The following USP37 variants were observed in gnomAD, a reference collection of about 807,000 sequenced individuals.
The protein encoded by USP37 is ubiquitin specific peptidase 37, also known as ubiquitin carboxyl-terminal hydrolase 37.
In USP37, 27 loss-of-function variants were observed where a neutral mutation model predicts 124.0. The observed-to-expected ratio is 0.22, with a 90% CI of 0.16 to 0.30. The LOEUF is 0.30. USP37 is among the 10% of genes least tolerant of loss of function. USP37 has a pLI of 1.00. For missense variants in USP37, 889 were observed against 1,140.4 expected (o/e 0.78, Z 3.17); for synonymous variants, 365 against 388.0 (o/e 0.94, Z 0.70).
chr2:218,499,010 C>T (rs1030655120), intron 11 of USP37, among the ~76,000 whole-genome samples: 26 of 152,216 alleles, frequency 1.7e-4, no homozygotes, highest in African/African-American at 5.8e-4. Flanking sequence ...TGCAGTGGCT[C>T]ATGCCTATAA....
At chr2:218,487,627 G>A (rs962574519) in intron 15 of USP37, among the ~76,000 whole-genome samples, 1 of 151,930 alleles carries the variant, frequency 6.6e-6, no homozygotes, top group Non-Finnish European at 1.5e-5. Context: ...CACCATGTTG[G>A]CCAGGATGAT....
intron 17 of USP37, among the ~76,000 whole-genome samples, chr2:218,481,328 A>C (rs1691261076): frequency 6.6e-6 from 1 of 152,188 alleles, no homozygotes; most frequent in African/African-American, 2.4e-5. Context: ...TCACATCTGC[A>C]TGTCCTGAAG....
rs961335273 is a variant in USP37 at position 218,517,434 on chromosome 2, GTTA to G, written c.864-7297_864-7295del. On this transcript the variant is annotated intron_variant, in intron 10 of 25. Coordinates refer to ENST00000258399, the MANE Select transcript of USP37 (RefSeq NM_020935.3). ...TAGTACATATTTGTGGGTAAACTCTGTTATTATTTTGTTTTGTATGATAGTGTC... is the reference window on the plus strand; with the variant it reads ...TAGTACATATTTGTGGGTAAACTCTGTTATTTTGTTTTGTATGATAGTGTC... Among the ~76,000 whole-genome samples the G allele has an allele frequency of 6.6e-5, 10 of 150,546 alleles. No individual in the cohort carries two copies. In the South Asian group the frequency reaches 1.5e-3, roughly 22 times the overall value.
chr2:218,567,750 C>T (rs1206380988), intron 1 of USP37, among the ~76,000 whole-genome samples: 7 of 152,166 alleles, frequency 4.6e-5, no homozygotes, highest in Non-Finnish European at 8.8e-5. Flanking sequence ...CAAGGAAATG[C>T]ACAACAAAAA....
At chr2:218,507,208 G>A (rs371080272) in intron 11 of USP37, among the ~76,000 whole-genome samples, 39 of 151,982 alleles carry the variant, frequency 2.6e-4, no homozygotes, top group African/African-American at 7.7e-4. Context: ...TGTCCAGGCT[G>A]GAGTAGAGTG....
At chr2:218,499,453 C>T (rs191951493) in intron 11 of USP37, among the ~76,000 whole-genome samples, 1 of 152,218 alleles carries the variant, frequency 6.6e-6, no homozygotes, top group East Asian at 1.9e-4. Flanking sequence ...GAGTAAGTTG[C>T]ATTTATTAAA....
intron 10 of USP37, among the ~76,000 whole-genome samples, chr2:218,516,301 T>C (rs367590381): frequency 3.3e-5 from 5 of 152,288 alleles, no homozygotes; most frequent in African/African-American, 1.2e-4. Context: ...TGCCCATCAA[T>C]GATAGACGGG....
At chr2:218,488,067 T>C (rs1052686932) in intron 15 of USP37, among the ~76,000 whole-genome samples, 1 of 149,916 alleles carries the variant, frequency 6.7e-6, no homozygotes, top group Non-Finnish European at 1.5e-5. Flanking sequence ...ATCCAGCTAC[T>C]TGGGGAGGCT....
At chr2:218,458,269 A>C (rs1261672361) in intron 23 of USP37, among the ~76,000 whole-genome samples, 9 of 149,678 alleles carry the variant, frequency 6.0e-5, no homozygotes, top group South Asian at 2.1e-4. Flanking sequence ...AAAAAAAAAA[A>C]AAAAAAACAA....
chr2:218,549,771 A>T (rs781498996), intron 6 of USP37, 38 bp downstream of exon 6: 1 of 1,588,732 alleles, frequency 6.3e-7, no homozygotes, highest in South Asian at 1.1e-5. Flanking sequence ...GCCAACTATC[A>T]TTTTTTTTAA....
At chr2:218,540,817 G>A (rs1403612686) in intron 8 of USP37, among the ~76,000 whole-genome samples, 1 of 152,036 alleles carries the variant, frequency 6.6e-6, no homozygotes, top group African/African-American at 2.4e-5. Context: ...ACTATCCAAG[G>A]ACTCATAGGA....
Position 218,547,003 on chromosome 2 carries a change from G to A in USP37, c.518C>T (p.Thr173Ile), listed in dbSNP as rs1692365047. The change falls in exon 7 of 26, where the codon ACT (threonine) becomes ATT (isoleucine). Residue 173 changes from threonine (T) to isoleucine (I), a missense_variant. Thr to Ile is a moderately conservative substitution (Grantham distance 89, BLOSUM62 -1). This residue lies in a region of USP37 where 374 missense variants were observed against 386.0 expected (regional missense o/e 0.97). Transcript: ENST00000258399. ...LGNPGRGSIK[T>I]VAGSGIARTI... Reference sequence around the variant, plus strand: ...CCGAGCTATTCCACTTCCTGCTACAGTCTTAATCGATCCTCTACCCGGATT... The same window carrying A: ...CCGAGCTATTCCACTTCCTGCTACAATCTTAATCGATCCTCTACCCGGATT... 1 of 1,613,782 alleles carries A rather than the reference G, an allele frequency of 6.2e-7. No individual in the cohort carries two copies.
Position 218,455,510 on chromosome 2 carries a change from GAAAAAAAA to G in USP37, c.2852+62_2852+69del. The G allele has an allele frequency of 6.0e-6, 8 of 1,339,034 alleles. 1 individual carries two copies. Among genetic ancestry groups the G allele is most frequent in the South Asian group, 3.4e-5 (2 of 59,378 alleles). 82.9% of individuals were successfully genotyped at this position (1,339,034 alleles called of 1,614,324 possible). ...TGATGGAAACATTTTATCCTCAAAGGAAAAAAAAAAAAAAAAAAGAGTTCCGGTGATTT... is the reference window on the plus strand; with the variant it reads ...TGATGGAAACATTTTATCCTCAAAGGAAAAAAAAAAGAGTTCCGGTGATTT... On this transcript the variant is annotated intron_variant, in intron 25 of 25. Transcript: ENST00000258399.
intron 4 of USP37, among the ~76,000 whole-genome samples, chr2:218,554,317 C>T (rs182730986): frequency 1.1e-4 from 16 of 152,254 alleles, no homozygotes; most frequent in Admixed American, 6.5e-4. Flanking sequence ...ATTAATTTTA[C>T]GGAACAATCC....
chr2:218,566,824 G>A (rs558840599), intron 1 of USP37, among the ~76,000 whole-genome samples: 23 of 152,318 alleles, frequency 1.5e-4, no homozygotes, highest in African/African-American at 5.3e-4. Context: ...ATTGGAAGTA[G>A]GATAGAACTT....
intron 18 of USP37, among the ~76,000 whole-genome samples, chr2:218,477,211 A>C (rs1691028614): frequency 6.6e-6 from 1 of 152,190 alleles, no homozygotes; most frequent in Non-Finnish European, 1.5e-5. Flanking sequence ...TAAACTAATC[A>C]TGTTGTGCCT....
chr2:218,480,398 CAAAAAAAA>C (rs397868988), intron 17 of USP37, among the ~76,000 whole-genome samples: 15 of 48,864 alleles, frequency 3.1e-4, no homozygotes, highest in Admixed American at 6.1e-4. Context: ...GACTCCGTCT[CAAAAAAAA>C]AAAAAAAAAA....
intron 14 of USP37, among the ~76,000 whole-genome samples, chr2:218,495,417 C>T (rs950345458): frequency 4.6e-5 from 7 of 152,182 alleles, no homozygotes; most frequent in African/African-American, 1.7e-4. Flanking sequence ...GTTGGGATTA[C>T]AGGCATGAGC....
chr2:218,486,775 G>T (rs1691591288), intron 15 of USP37, among the ~76,000 whole-genome samples: 1 of 151,980 alleles, frequency 6.6e-6, no homozygotes, highest in Non-Finnish European at 1.5e-5. Flanking sequence ...GCCCAGGCTG[G>T]AGTGCAGTGG....
Sources: gnomAD v4.1 joint callset for allele counts (sites outside exome capture counted in the v4.1 genomes callset) on GRCh38, gnomAD v4.1.1 for gene constraint, gnomAD v4.1.1 regional missense constraint, MANE v1.5 for transcripts, NCBI Gene and HGNC (gene_info 2026-07-23, HGNC 2026-07-21) for gene names.